Variants in CYFIP2 observed in about 807,000 individuals in gnomAD.
The protein encoded by CYFIP2 is cytoplasmic FMR1-interacting protein 2.
Under a neutral mutation model 158.7 loss-of-function variants are expected in CYFIP2, and 29 were observed. That is an observed-to-expected ratio of 0.18 (90% CI 0.14 to 0.25). CYFIP2 has a LOEUF of 0.25. CYFIP2 is among the 10% of genes least tolerant of loss of function. The pLI is 1.00. For synonymous variants in CYFIP2, 585 were observed against 617.6 expected (o/e 0.95, Z 0.78); for missense variants, 852 against 1,639.5 (o/e 0.52, Z 8.29).
At position 157,315,987 on chromosome 5, in the gene CYFIP2, G is replaced by A. The variant is rs972232310; in HGVS notation, c.1356+893G>A. ...CACCTATAATCCCAGCTACTCAGGA[G>A]GCTGAGGCAGGAGAATCATTTGAAC... On this transcript the variant is annotated intron_variant, in intron 13 of 30. Transcript: ENST00000620254. Among the ~76,000 whole-genome samples the A allele has an allele frequency of 2.0e-5, 3 of 152,274 alleles. No individual in the cohort carries two copies. The East Asian group carries it at 5.8e-4, about 29-fold the overall frequency.
At chr5:157,286,759 T>A (rs936446279) in intron 2 of CYFIP2, among the ~76,000 whole-genome samples, 1 of 152,198 alleles carries the variant, frequency 6.6e-6, no homozygotes, top group African/African-American at 2.4e-5. Context: ...TTGTGGAGTT[T>A]AAGCATCTGC....
chr5:157,280,530 G>A (rs776722807), intron 1 of CYFIP2, among the ~76,000 whole-genome samples: 2 of 151,884 alleles, frequency 1.3e-5, no homozygotes, highest in African/African-American at 2.4e-5. Flanking sequence ...GTCTGTAAAT[G>A]AGTATTTTTT....
chr5:157,290,404 C>T (rs1172454298), intron 3 of CYFIP2, among the ~76,000 whole-genome samples: 1 of 152,156 alleles, frequency 6.6e-6, no homozygotes, highest in Non-Finnish European at 1.5e-5. Context: ...CTGATCTCTG[C>T]CTGCATCTTC....
In CYFIP2 at chr5:157,375,557, C is replaced by T. The variant is rs149079097; in HGVS notation, c.3040-7033C>T. Among the ~76,000 whole-genome samples, 572 of 152,188 alleles carry T rather than the reference C, an allele frequency of 3.8e-3. 2 individuals carry two copies. The highest frequency in any genetic ancestry group is 6.3e-3 in the Non-Finnish European group (426 of 68,018). On this transcript the variant is annotated intron_variant, in intron 26 of 30. Coordinates refer to ENST00000620254, the MANE Select transcript of CYFIP2 (RefSeq NM_001037333.3). Reference sequence around the variant, plus strand: ...TTATATTCTCTAAGCCTAGCTTATCCAACCCATGGCCCAGGACGGCTTTGA... The same window carrying T: ...TTATATTCTCTAAGCCTAGCTTATCTAACCCATGGCCCAGGACGGCTTTGA...
chr5:157,314,980 G>A lies in CYFIP2; in HGVS notation c.1242G>A (p.Lys414=), dbSNP rs753951016. 29 of 1,572,842 alleles carry A rather than the reference G, an allele frequency of 1.8e-5. No homozygotes were observed. Among genetic ancestry groups the A allele is most frequent in the Non-Finnish European group, 2.4e-5 (28 of 1,158,454 alleles). The change falls in exon 13 of 31, where the codon AAG becomes AAA. Residue 414 remains lysine (K), a synonymous_variant. Transcript: ENST00000620254. ...SAHVMEVYSW[K]LVHPTDKFCN... is the part of the protein sequence containing the mutation. ...CCCACTCTCCCCAGTACTCTTGGAA[G>A]CTGGTTCATCCCACAGACAAGTTCT... is the stretch of plus-strand genomic sequence containing the variant.
At chr5:157,314,723 A>C (rs1306602712) in intron 12 of CYFIP2, among the ~76,000 whole-genome samples, 3 of 152,214 alleles carry the variant, frequency 2.0e-5, no homozygotes, top group African/African-American at 7.2e-5. Context: ...GCCCTGAGCA[A>C]TCTGCTTTCT....
intron 26 of CYFIP2, chr5:157,364,204 CGGGGGGGGGT>C (rs1224202365): frequency 1.0e-4 from 4 of 38,306 alleles, no homozygotes; most frequent in Non-Finnish European, 1.8e-4. Context: ...GGCGGGGTGG[CGGGGGGGGGT>C]GGGTCCCTGA....
intron 1 of CYFIP2, among the ~76,000 whole-genome samples, chr5:157,276,057 T>G (rs926970030): frequency 1.3e-5 from 2 of 152,262 alleles, no homozygotes; most frequent in Admixed American, 6.5e-5. Context: ...TGGATTTTTC[T>G]TGGATTTTCT....
Position 157,323,981 on chromosome 5 carries a change from A to C in CYFIP2, c.1732A>C (p.Thr578Pro). 1.2e-6 allele frequency: 2 copies of C among 1,611,354 alleles called. No homozygotes were observed. Among genetic ancestry groups the C allele is most frequent in the Non-Finnish European group, 1.7e-6 (2 of 1,178,688 alleles). ...TGCAGACAAAAGCGGCTCCAAGAAGACCCTGAGGAGCAGCCTGGATGGACC... is the reference window on the plus strand; with the variant it reads ...TGCAGACAAAAGCGGCTCCAAGAAGCCCCTGAGGAGCAGCCTGGATGGACC... ...LIADKSGSKKTLRSSLDGPIV... is the reference protein window; with the variant it reads ...LIADKSGSKKPLRSSLDGPIV... The change falls in exon 16 of 31, where the codon ACC becomes CCC. Residue 578 changes from threonine (T) to proline (P), a missense_variant. Physicochemically the swap from Thr to Pro is conservative, Grantham distance 38 (BLOSUM62 -1). Transcript: ENST00000620254.
At chr5:157,314,743 G>T (rs916480635) in intron 12 of CYFIP2, among the ~76,000 whole-genome samples, 1 of 152,084 alleles carries the variant, frequency 6.6e-6, no homozygotes, top group Non-Finnish European at 1.5e-5. Context: ...TACCTCTATA[G>T]GTTTCCCTAT....
At chr5:157,302,953 G>C (rs1452878485) in intron 7 of CYFIP2, 63 bp downstream of exon 7, 45 of 1,355,372 alleles carry the variant, frequency 3.3e-5, no homozygotes, top group Non-Finnish European at 4.3e-5. Flanking sequence ...GGCGTGTAGA[G>C]GTTGGGTGGA....
intron 6 of CYFIP2, among the ~76,000 whole-genome samples, chr5:157,301,345 C>G (rs893199066): frequency 3.9e-5 from 6 of 152,192 alleles, no homozygotes; most frequent in African/African-American, 1.4e-4. Flanking sequence ...CAATGTTAGC[C>G]TGAGTGCCTC....
intron 29 of CYFIP2, 87 bp downstream of exon 29, chr5:157,389,514 G>A (rs889035): frequency 0.31 from 391,215 of 1,270,626 alleles, 63,940 homozygotes; most frequent in East Asian, 0.63. Context: ...AGCCAGAAAC[G>A]TGGGCAGGGG....
In CYFIP2 at chr5:157,393,646, G is replaced by C. The variant is rs980510875; in HGVS notation, c.*646G>C. 1 of 152,312 alleles carries C rather than the reference G, an allele frequency of 6.6e-6. No homozygotes were observed. Among genetic ancestry groups the C allele is most frequent in the Non-Finnish European group, 1.5e-5 (1 of 68,166 alleles). The allele number at this position is 152,312 out of a possible 1,614,324, so 9.4% of individuals were successfully genotyped here. ...CAGCTGTATCACACTCTATGCAGGT[G>C]GGGTAGGAGACTGATCAGGCCTGCT... On this transcript the variant is annotated 3_prime_UTR_variant, in exon 31 of 31. Transcript: ENST00000620254.
rs545369637 is a variant in CYFIP2 at position 157,348,860 on chromosome 5, C to T, written c.2673+7703C>T. Among the ~76,000 whole-genome samples, 165 of 152,082 alleles carry T rather than the reference C, an allele frequency of 1.1e-3. 1 individual carries two copies. The Middle Eastern group carries it at 0.02, about 19-fold the overall frequency. On this transcript the variant is annotated intron_variant, in intron 23 of 30. Transcript: ENST00000620254. ...TCTTCCCAAGAGCTAGTGGTGAGTC[C>T]CCACAGAGCATAAAAGCACCCTGCC...
chr5:157,309,981 C>A, intron 10 of CYFIP2, 147 bp downstream of exon 10: 1 of 745,542 alleles, frequency 1.3e-6, no homozygotes, highest in South Asian at 1.7e-5. Context: ...GGAGGGGAGC[C>A]GCGAGGGTGC....
chr5:157,286,925 C>G lies in CYFIP2; in HGVS notation c.118-94C>G, dbSNP rs1403652433. The G allele has an allele frequency of 2.1e-5, 18 of 857,916 alleles. No individual in the cohort carries two copies. The East Asian group carries it at 5.0e-4, about 24-fold the overall frequency. 53.1% of individuals were successfully genotyped at this position (857,916 alleles called of 1,614,324 possible). On this transcript the variant is annotated intron_variant, in intron 2 of 30. Coordinates refer to ENST00000620254, the MANE Select transcript of CYFIP2 (RefSeq NM_001037333.3). ...GCAGGAGGTTTCCACAGAGAGCTTG[C>G]GTTGTTTGTTGGCAGCAGTTTGCCC...
At chr5:157,334,578 A>G (rs1334522115) in intron 21 of CYFIP2, among the ~76,000 whole-genome samples, 2 of 152,230 alleles carry the variant, frequency 1.3e-5, no homozygotes, top group African/African-American at 4.8e-5. Flanking sequence ...ATCAAAGTTA[A>G]TATTACCAGT....
At chr5:157,375,843 G>C (rs1383288756) in intron 26 of CYFIP2, 2 of 152,116 alleles carry the variant, frequency 1.3e-5, no homozygotes, top group Admixed American at 1.3e-4. Flanking sequence ...TGAATGCGAA[G>C]TCTCCAGCGC....
Sources: allele counts gnomAD v4.1 joint callset (sites outside exome capture counted in the v4.1 genomes callset), GRCh38; gene constraint gnomAD v4.1.1; transcripts MANE v1.5; gene names NCBI Gene and HGNC (gene_info 2026-07-23, HGNC 2026-07-21).